Variants in BCAR3 observed in about 807,000 individuals in gnomAD.
BCAR3 encodes BCAR3 adaptor protein, NSP family member, also known as breast cancer anti-estrogen resistance protein 3.
Under a neutral mutation model 80.1 loss-of-function variants are expected in BCAR3, and 37 were observed. The ratio of observed to expected loss-of-function variants is 0.46; its 90% CI spans 0.36 to 0.61. The LOEUF is 0.61. Ranked by LOEUF, BCAR3 falls within the 20% of genes least tolerant of loss-of-function variation. The probability of loss-of-function intolerance (pLI) is 0.00; values close to 1 mark genes in which losing one functional copy is unlikely to be tolerated. For synonymous variants in BCAR3, 389 were observed against 418.9 expected, an observed-to-expected ratio of 0.93 and a Z score of 0.87; for missense variants, 978 against 1,068.2, an observed-to-expected ratio of 0.92 and a Z score of 1.18.
chr1:93,841,548 C>A (rs72967371), intron 2 of BCAR3, among the ~76,000 whole-genome samples: 7,448 of 152,310 alleles, frequency 0.049, 601 homozygotes, highest in African/African-American at 0.17. Context: ...GTCAGCCAGG[C>A]AACCAGCCAT....
At chr1:93,810,538 A>C (rs974871137) in intron 2 of BCAR3, among the ~76,000 whole-genome samples, 2 of 152,134 alleles carry the variant, frequency 1.3e-5, no homozygotes, top group Non-Finnish European at 1.5e-5. Flanking sequence ...GGCTTCAAAA[A>C]TGTTCATGAA....
chr1:93,783,144 G>T (rs968291996), intron 2 of BCAR3, among the ~76,000 whole-genome samples: 1 of 152,134 alleles, frequency 6.6e-6, no homozygotes, highest in African/African-American at 2.4e-5. Context: ...ATATAATAAA[G>T]TTGAAACTGT....
intron 3 of BCAR3, among the ~76,000 whole-genome samples, chr1:93,696,852 C>G (rs996609840): frequency 6.6e-6 from 1 of 152,256 alleles, no homozygotes; most frequent in Non-Finnish European, 1.5e-5. Flanking sequence ...GTTGGCACTT[C>G]TCAAGCGTGT....
chr1:93,847,956 GT>G, upstream of BCAR3: 2 of 235,576 alleles, frequency 8.5e-6, no homozygotes, highest in South Asian at 4.9e-5. Flanking sequence ...AAGGCTCGCG[GT>G]TTCGGCCTAA....
rs186520075 is a variant in BCAR3, at chr1:93,694,175, G to A, written c.-12+11917C>T. ...TGCCCAGCTCCTGGTGGAACTTCCG[G>A]TAAGGGATGCTCACAGAGCACAGGG... On this transcript the variant is annotated intron_variant, in intron 3 of 13. Transcript: ENST00000370244. Among the ~76,000 whole-genome samples, 129 of 152,314 alleles carry A rather than the reference G, an allele frequency of 8.5e-4. 1 individual carries two copies. The highest frequency in any genetic ancestry group is 3.1e-3 in the African/African-American group (128 of 41,566).
chr1:93,578,186 G>A (rs1441845095), intron 7 of BCAR3, among the ~76,000 whole-genome samples: 6 of 152,142 alleles, frequency 3.9e-5, no homozygotes, highest in Non-Finnish European at 7.4e-5. Context: ...CTGCCTTGGA[G>A]GCTGCTGCAC....
intron 2 of BCAR3, chr1:93,753,248 A>G (rs181869086): frequency 6.6e-6 from 1 of 152,328 alleles, no homozygotes; most frequent in East Asian, 1.9e-4. Flanking sequence ...TGTGTTTCCA[A>G]GCGGTGTTTT....
At chr1:93,728,488 G>T (rs564454298) in intron 2 of BCAR3, among the ~76,000 whole-genome samples, 6 of 152,314 alleles carry the variant, frequency 3.9e-5, no homozygotes, top group Admixed American at 3.3e-4. Context: ...TGTATCCTGG[G>T]TTCTTGCCTT....
chr1:93,727,421 A>C (rs1406047794), intron 2 of BCAR3, among the ~76,000 whole-genome samples: 1 of 152,206 alleles, frequency 6.6e-6, no homozygotes, highest in African/African-American at 2.4e-5. Flanking sequence ...GGGTCAGAAA[A>C]GACTGGGAGA....
intron 3 of BCAR3, among the ~76,000 whole-genome samples, chr1:93,623,783 T>C (rs1675381733): frequency 1.3e-5 from 2 of 152,198 alleles, no homozygotes. Flanking sequence ...GAGATGGAGA[T>C]GTAACATACT....
intron 8 of BCAR3, among the ~76,000 whole-genome samples, chr1:93,573,399 A>AAATAATAAT (rs57300757): frequency 6.6e-6 from 1 of 150,444 alleles, no homozygotes; most frequent in Non-Finnish European, 1.5e-5. Context: ...CTCAAAACAA[A>AAATAATAAT]AATAATAATA....
intron 2 of BCAR3, among the ~76,000 whole-genome samples, chr1:93,712,854 C>T (rs1650072648): frequency 6.6e-6 from 1 of 152,224 alleles, no homozygotes; most frequent in Non-Finnish European, 1.5e-5. Flanking sequence ...TATACTCTCT[C>T]TCTTCACACC....
At chr1:93,750,469 A>G (rs545011613) in intron 2 of BCAR3, among the ~76,000 whole-genome samples, 6 of 152,354 alleles carry the variant, frequency 3.9e-5, no homozygotes, top group African/African-American at 1.4e-4. Flanking sequence ...TATAGTCACT[A>G]TGACGGTTTT....
chr1:93,798,630 C>T (rs771711491), intron 2 of BCAR3, among the ~76,000 whole-genome samples: 2 of 152,170 alleles, frequency 1.3e-5, no homozygotes, highest in Non-Finnish European at 2.9e-5. Flanking sequence ...TAGACAACCT[C>T]TGGTGAGTAC....
intron 2 of BCAR3, among the ~76,000 whole-genome samples, chr1:93,822,187 T>TA (rs2100821003): frequency 1.0e-5 from 1 of 99,172 alleles, no homozygotes; most frequent in East Asian, 3.5e-4. Context: ...TTTTTTTTTC[T>TA]TTTTTTTTTT....
At chr1:93,702,987 G>A (rs889679296) in intron 3 of BCAR3, among the ~76,000 whole-genome samples, 1 of 152,220 alleles carries the variant, frequency 6.6e-6, no homozygotes, top group Admixed American at 6.5e-5. Flanking sequence ...CCAGCAAAGA[G>A]AGCCTGCCCT....
intron 2 of BCAR3, among the ~76,000 whole-genome samples, chr1:93,652,348 C>T (rs1323251342): frequency 5.3e-5 from 8 of 152,180 alleles, no homozygotes; most frequent in Non-Finnish European, 1.2e-4. Context: ...AAAATCTGAA[C>T]CAAATTAAAA....
intron 3 of BCAR3, among the ~76,000 whole-genome samples, chr1:93,695,102 C>T (rs1649342271): frequency 1.3e-5 from 2 of 152,200 alleles, no homozygotes; most frequent in African/African-American, 4.8e-5. Context: ...TGTCATGCAT[C>T]GACATCATTC....
intron 3 of BCAR3, among the ~76,000 whole-genome samples, chr1:93,630,485 T>C (rs1458734096): frequency 6.6e-6 from 1 of 150,472 alleles, no homozygotes; most frequent in Non-Finnish European, 1.5e-5. Context: ...AATACAAAAA[T>C]CAGCCAGGTG....
Sources: allele counts gnomAD v4.1 joint callset (sites outside exome capture counted in the v4.1 genomes callset), GRCh38; gene constraint gnomAD v4.1.1; transcripts MANE v1.5; gene names NCBI Gene and HGNC (gene_info 2026-07-23, HGNC 2026-07-21).